EIF4G3: variants seen among roughly 807,000 people sequenced by gnomAD.
EIF4G3 encodes the protein eukaryotic translation initiation factor 4 gamma 3.
A neutral mutation model predicts 186.4 loss-of-function variants in EIF4G3; 34 were observed. That is an observed-to-expected ratio of 0.18 (90% CI 0.14 to 0.24). The LOEUF (loss-of-function observed/expected upper bound fraction) is 0.24. Among genes scored for constraint, EIF4G3 ranks in the 10% least tolerant of loss-of-function variants. EIF4G3 has a pLI of 1.00. For synonymous variants in EIF4G3, 673 were observed against 679.5 expected (o/e 0.99, Z 0.15); for missense variants, 1,536 against 1,948.5 (o/e 0.79, Z 3.99).
At chr1:20,982,867 A>T (rs2078601960) in intron 7 of EIF4G3, among the ~76,000 whole-genome samples, 1 of 152,178 alleles carries the variant, frequency 6.6e-6, no homozygotes, top group Admixed American at 6.5e-5. Context: ...TATATATCAG[A>T]CTCTTAATGA....
chr1:21,109,861 T>C lies in EIF4G3; in HGVS notation c.-271-20648A>G, dbSNP rs554759566. 2.0e-5 allele frequency among the ~76,000 whole-genome samples: 3 copies of C among 152,292 alleles called. No homozygotes were observed. The South Asian group carries it at 6.2e-4, about 32-fold the overall frequency. On this transcript the variant is annotated intron_variant, in intron 2 of 36. Coordinates refer to ENST00000602326, the MANE Select transcript of EIF4G3 (RefSeq NM_001391906.1). ...GTGCAGTGGTATGATCTTGGCTCAC[T>C]GCAACCTCCCCCGTCTAGGTTCAAG... is the stretch of plus-strand genomic sequence containing the variant.
At chr1:20,956,805 A>G (rs1228212033) in intron 12 of EIF4G3, among the ~76,000 whole-genome samples, 2 of 151,876 alleles carry the variant, frequency 1.3e-5, no homozygotes, top group Admixed American at 6.6e-5. Context: ...CAGGGTATCG[A>G]TATGTTGCCA....
At chr1:20,960,380 C>T (rs2096544757) in intron 12 of EIF4G3, among the ~76,000 whole-genome samples, 1 of 151,796 alleles carries the variant, frequency 6.6e-6, no homozygotes, top group Non-Finnish European at 1.5e-5. Flanking sequence ...ACAGAAGAAT[C>T]ACTTGAACCC....
intron 2 of EIF4G3, among the ~76,000 whole-genome samples, chr1:21,132,352 C>T (rs1431720997): frequency 2.6e-5 from 4 of 151,382 alleles, no homozygotes; most frequent in African/African-American, 9.7e-5. Context: ...ATTAAAGCAA[C>T]AAAAAGAAAA....
intron 25 of EIF4G3, among the ~76,000 whole-genome samples, chr1:20,856,722 CT>C (rs1557941743): frequency 6.6e-6 from 1 of 152,094 alleles, no homozygotes; most frequent in East Asian, 1.9e-4. Context: ...CAGGTGATTG[CT>C]TTTTTCCCCA....
intron 2 of EIF4G3, among the ~76,000 whole-genome samples, chr1:21,133,955 C>G (rs2097196839): frequency 6.6e-6 from 1 of 152,180 alleles, no homozygotes; most frequent in Non-Finnish European, 1.5e-5. Flanking sequence ...TTGAACTGTA[C>G]TTACTGCGGA....
chr1:20,977,287 A>T (rs933773954), intron 10 of EIF4G3, among the ~76,000 whole-genome samples: 31 of 151,960 alleles, frequency 2.0e-4, no homozygotes, highest in Admixed American at 8.5e-4. Context: ...CCTGGGTTCA[A>T]GCAATTCTTC....
intron 2 of EIF4G3, among the ~76,000 whole-genome samples, chr1:21,117,736 T>TAAAAAAAAAAAAAAA (rs71014156): frequency 4.8e-4 from 35 of 73,074 alleles, no homozygotes; most frequent in African/African-American, 1.2e-3. Context: ...CAGTATATAG[T>TAAAAAAAAAAAAAAA]AAAAAAAAAA....
At chr1:21,071,130 T>A (rs974570685) in intron 3 of EIF4G3, among the ~76,000 whole-genome samples, 1 of 152,206 alleles carries the variant, frequency 6.6e-6, no homozygotes, top group Non-Finnish European at 1.5e-5. Context: ...GTTAGCCAGG[T>A]GGCATGGCTC....
intron 7 of EIF4G3, among the ~76,000 whole-genome samples, chr1:20,983,386 T>A (rs1043921274): frequency 6.6e-6 from 1 of 152,186 alleles, no homozygotes; most frequent in African/African-American, 2.4e-5. Context: ...CTTCTAGTTA[T>A]CTCCACTGAC....
chr1:21,001,291 G>A lies in EIF4G3; in HGVS notation c.52C>T (p.His18Tyr), dbSNP rs536489335. ...RSPPSRTVPI[H>Y]CTDNWKRRKV... ...CTCCTCTTCCAGTTGTCTGTGCAATGTATTGGCACTGTTCTGCTGGGCTGT... is the reference window on the plus strand; with the variant it reads ...CTCCTCTTCCAGTTGTCTGTGCAATATATTGGCACTGTTCTGCTGGGCTGT... The change falls in exon 6 of 37, where the codon CAT becomes TAT. Residue 18 changes from histidine (H) to tyrosine (Y), a missense_variant. Transcript: ENST00000602326. 4 of 471,292 alleles carry A rather than the reference G, an allele frequency of 8.5e-6. No individual in the cohort carries two copies. The highest frequency in any genetic ancestry group is 8.0e-5 in the African/African-American group (4 of 50,198). 29.2% of individuals were successfully genotyped at this position (471,292 alleles called of 1,614,324 possible).
At chr1:21,107,670 A>G (rs910344413) in intron 2 of EIF4G3, among the ~76,000 whole-genome samples, 2 of 152,138 alleles carry the variant, frequency 1.3e-5, no homozygotes, top group Non-Finnish European at 2.9e-5. Context: ...CATACAAGTT[A>G]TTTGATTTCT....
intron 25 of EIF4G3, 57 bp downstream of exon 25, chr1:20,857,346 T>C: frequency 7.5e-7 from 1 of 1,334,432 alleles, no homozygotes. Flanking sequence ...GTGTGTGTGT[T>C]TTAATATCAA....
At chr1:20,941,142 G>A (rs1254494680) in intron 14 of EIF4G3, 2 of 1,334,932 alleles carry the variant, frequency 1.5e-6, no homozygotes, top group Non-Finnish European at 2.0e-6. Context: ...AGACCATCCT[G>A]GTTTTTTGTT....
chr1:20,979,220 C>T (rs1254878025), intron 10 of EIF4G3, among the ~76,000 whole-genome samples: 2 of 152,074 alleles, frequency 1.3e-5, no homozygotes, highest in Non-Finnish European at 2.9e-5. Flanking sequence ...TCAGCATTGG[C>T]GCATATGCCA....
At chr1:20,864,840 A>G in intron 21 of EIF4G3, 128 bp from the exon 22 acceptor site, 1 of 898,524 alleles carries the variant, frequency 1.1e-6, no homozygotes, top group Non-Finnish European at 1.7e-6. Flanking sequence ...TGCTCAGAAA[A>G]CTGAACTATA....
chr1:20,964,229 C>T (rs2074110457), intron 12 of EIF4G3, among the ~76,000 whole-genome samples: 1 of 152,046 alleles, frequency 6.6e-6, no homozygotes, highest in Admixed American at 6.5e-5. Context: ...CCTCATTTTA[C>T]AGATGAAAAA....
intron 2 of EIF4G3, among the ~76,000 whole-genome samples, chr1:21,166,502 A>C (rs2103014562): frequency 6.6e-6 from 1 of 152,296 alleles, no homozygotes; most frequent in South Asian, 2.1e-4. Context: ...AGAGGGGCAG[A>C]TCACTTAAGG....
chr1:20,848,303 T>G (rs570706668), intron 29 of EIF4G3, among the ~76,000 whole-genome samples: 2 of 152,298 alleles, frequency 1.3e-5, no homozygotes, highest in African/African-American at 4.8e-5. Flanking sequence ...TTTAATAATA[T>G]AGTGCCAAAG....
Sources: allele counts gnomAD v4.1 joint callset (sites outside exome capture counted in the v4.1 genomes callset), GRCh38; gene constraint gnomAD v4.1.1; transcripts MANE v1.5; gene names NCBI Gene and HGNC (gene_info 2026-07-23, HGNC 2026-07-21).